Variants in CDH18 observed in about 807,000 individuals in gnomAD.
CDH18 encodes cadherin-18.
CDH18 carries 31 observed loss-of-function variants against 67.9 expected under a neutral mutation model. That is an observed-to-expected ratio of 0.46 (90% CI 0.34 to 0.62). The LOEUF (loss-of-function observed/expected upper bound fraction) is 0.62, where lower values mean the gene tolerates loss of function less well. Ranked by LOEUF, CDH18 falls within the 20% of genes least tolerant of loss-of-function variation. The pLI is 0.01. For missense variants in CDH18, 890 were observed against 975.5 expected, an observed-to-expected ratio of 0.91 and a Z score of 1.17; for synonymous variants, 362 against 347.2, an observed-to-expected ratio of 1.04 and a Z score of -0.48.
chr5:19,962,378 C>CAAAAAAAAAAAGAAAAAAAA (rs1797000400), intron 2 of CDH18, among the ~76,000 whole-genome samples: 1 of 51,594 alleles, frequency 1.9e-5, no homozygotes, highest in Non-Finnish European at 3.3e-5. Context: ...CGTCAAAAAG[C>CAAAAAAAAAAAGAAAAAAAA]AAAAAAAAAA....
intron 5 of CDH18, among the ~76,000 whole-genome samples, chr5:19,698,564 C>T (rs1211443927): frequency 6.6e-6 from 1 of 151,352 alleles, no homozygotes; most frequent in Non-Finnish European, 1.5e-5. Context: ...TTTAAAATCA[C>T]AATAAGTTAA....
At chr5:19,865,658 G>T (rs980040153) in intron 2 of CDH18, among the ~76,000 whole-genome samples, 1 of 151,948 alleles carries the variant, frequency 6.6e-6, no homozygotes, top group African/African-American at 2.4e-5. Flanking sequence ...AGCATCTCTG[G>T]GCTACTTCTT....
In CDH18 at chr5:19,725,693, C is replaced by T. The variant is rs530062514; in HGVS notation, c.524-4227G>A. Among the ~76,000 whole-genome samples, 586 of 152,194 alleles carry T rather than the reference C, an allele frequency of 3.9e-3. 3 individuals are homozygous for T. Among genetic ancestry groups the T allele is most frequent in the African/African-American group, 0.013 (553 of 41,516 alleles). Reference sequence around the variant, plus strand: ...CTGAGGCAGGAGAATCACTTGAACCCGGGAGGCAGAGATTGCGGTGAGCTG... The same window carrying T: ...CTGAGGCAGGAGAATCACTTGAACCTGGGAGGCAGAGATTGCGGTGAGCTG... On this transcript the variant is annotated intron_variant, in intron 4 of 12. Transcript: ENST00000382275.
chr5:19,773,915 C>T (rs1773997372), intron 3 of CDH18, among the ~76,000 whole-genome samples: 1 of 152,000 alleles, frequency 6.6e-6, no homozygotes, highest in African/African-American at 2.4e-5. Flanking sequence ...GAATCATAAA[C>T]ATTTATGAAA....
At chr5:19,727,063 T>G (rs191551671) in intron 4 of CDH18, among the ~76,000 whole-genome samples, 208 of 152,298 alleles carry the variant, frequency 1.4e-3, no homozygotes, top group African/African-American at 4.7e-3. Flanking sequence ...TAAATGTTGT[T>G]TAAGCCACCT....
At position 19,838,898 on chromosome 5, in the gene CDH18, G is replaced by C. The variant is rs755751776; in HGVS notation, c.89C>G (p.Ser30Cys). The part of the protein sequence containing the change: ...QRCYGTAHHS[S>C]IKVMRNQTKH... ...GGTTTGGTTTCTCATCACCTTGATG[G>C]AGCTGTGGTGAGCAGTTCCATAACA... The change falls in exon 3 of 13, where the codon TCC becomes TGC. Residue 30 changes from serine (S) to cysteine (C), a missense_variant. By Grantham distance (112) the Ser-to-Cys change is moderately radical (BLOSUM62 -1). Coordinates refer to ENST00000382275, the MANE Select transcript of CDH18 (RefSeq NM_004934.5). 6.2e-7 allele frequency: 1 copy of C among 1,614,056 alleles called. No homozygotes were observed. The highest frequency in any genetic ancestry group is 1.7e-5 in the Admixed American group (1 of 60,022).
At chr5:20,496,603 A>G (rs1185784331) in intron 1 of CDH18, among the ~76,000 whole-genome samples, 1 of 152,136 alleles carries the variant, frequency 6.6e-6, no homozygotes, top group Non-Finnish European at 1.5e-5. Context: ...ATGAGGAAAC[A>G]ATGTGGGAAT....
chr5:19,530,630 G>A (rs757386535), intron 9 of CDH18, among the ~76,000 whole-genome samples: 13 of 151,200 alleles, frequency 8.6e-5, no homozygotes, highest in Non-Finnish European at 1.6e-4. Flanking sequence ...TCCCCTTCCT[G>A]TGTCCATGTG....
intron 3 of CDH18, among the ~76,000 whole-genome samples, chr5:19,752,383 G>A (rs1346144418): frequency 1.3e-5 from 2 of 152,022 alleles, no homozygotes; most frequent in Non-Finnish European, 2.9e-5. Context: ...TGTGGGAGCT[G>A]GGAGAAGCCT....
chr5:19,672,550 T>C (rs562010810), intron 5 of CDH18, among the ~76,000 whole-genome samples: 5 of 152,222 alleles, frequency 3.3e-5, no homozygotes, highest in African/African-American at 1.2e-4. Flanking sequence ...GTAATTCCTG[T>C]AAATATTCTA....
intron 1 of CDH18, among the ~76,000 whole-genome samples, chr5:20,550,284 G>GA (rs1278831610): frequency 6.6e-6 from 1 of 152,186 alleles, no homozygotes; most frequent in East Asian, 1.9e-4. Context: ...ATATTATAAT[G>GA]AAAAAATAAC....
intron 1 of CDH18, among the ~76,000 whole-genome samples, chr5:20,567,741 C>T (rs919542591): frequency 2.0e-5 from 3 of 152,166 alleles, no homozygotes; most frequent in Admixed American, 2.0e-4. Context: ...GCCTCAGTCC[C>T]AGTCCAGCAT....
intron 8 of CDH18, among the ~76,000 whole-genome samples, chr5:19,564,396 A>C (rs1740001604): frequency 1.3e-5 from 2 of 152,156 alleles, no homozygotes; most frequent in South Asian, 4.1e-4. Flanking sequence ...GTTCAGCCAC[A>C]GTAGAATAGG....
At chr5:19,731,583 A>G (rs1202496454) in intron 4 of CDH18, among the ~76,000 whole-genome samples, 1 of 152,224 alleles carries the variant, frequency 6.6e-6, no homozygotes, top group Non-Finnish European at 1.5e-5. Context: ...TAAAATGAGA[A>G]TCTGGATGCC....
At chr5:20,125,285 C>CGT (rs3067918) in intron 2 of CDH18, among the ~76,000 whole-genome samples, 130,663 of 150,120 alleles carry the variant, frequency 0.87, 59,211 homozygotes, top group East Asian at 0.99. Context: ...AATACAACTT[C>CGT]GTGTGTGTGT....
intron 6 of CDH18, among the ~76,000 whole-genome samples, chr5:19,603,778 T>G (rs541090923): frequency 2.0e-5 from 3 of 150,028 alleles, no homozygotes; most frequent in East Asian, 3.9e-4. Context: ...TTTTCAATTT[T>G]AGGCACCAAA....
At chr5:20,278,745 G>C (rs976796758) in intron 1 of CDH18, among the ~76,000 whole-genome samples, 2 of 152,054 alleles carry the variant, frequency 1.3e-5, no homozygotes, top group Non-Finnish European at 2.9e-5. Context: ...AACAAGTACA[G>C]AGTTTTTATT....
At chr5:20,058,057 C>G (rs1742147390) in intron 2 of CDH18, among the ~76,000 whole-genome samples, 1 of 152,134 alleles carries the variant, frequency 6.6e-6, no homozygotes, top group South Asian at 2.1e-4. Flanking sequence ...CAAAACCTTA[C>G]CTTAATTCAT....
chr5:20,452,930 C>T (rs1750568283), intron 1 of CDH18, among the ~76,000 whole-genome samples: 1 of 151,982 alleles, frequency 6.6e-6, no homozygotes, highest in South Asian at 2.1e-4. Flanking sequence ...ACCCTTAAAC[C>T]ACACCAACGA....
Sources: allele counts gnomAD v4.1 joint callset (sites outside exome capture counted in the v4.1 genomes callset), GRCh38; gene constraint gnomAD v4.1.1; transcripts MANE v1.5; gene names NCBI Gene and HGNC (gene_info 2026-07-23, HGNC 2026-07-21).